The following TRAPPC3 variants were observed in gnomAD, a reference collection of about 807,000 sequenced individuals.
TRAPPC3 encodes trafficking protein particle complex 3.
Under a neutral mutation model 18.2 loss-of-function variants are expected in TRAPPC3, and 5 were observed. That is an observed-to-expected ratio of 0.28 (90% CI 0.14 to 0.58). TRAPPC3 has a LOEUF of 0.58. Ranked by LOEUF, TRAPPC3 falls within the 20% of genes least tolerant of loss-of-function variation. The pLI is 0.91. For missense variants in TRAPPC3, 176 were observed against 225.9 expected, an observed-to-expected ratio of 0.78 and a Z score of 1.41; for synonymous variants, 65 against 84.2, an observed-to-expected ratio of 0.77 and a Z score of 1.25.
chr1:36,149,474 A>G lies in TRAPPC3; in HGVS notation c.-96T>C, dbSNP rs1644251011. ...AAGCCGCTGCCCCTCAGCCCACAAG[A>G]CCGACCGGCACTGACTCACTGCGCC... On this transcript the variant is annotated 5_prime_UTR_variant, in exon 1 of 5. Coordinates refer to ENST00000373166, the MANE Select transcript of TRAPPC3 (RefSeq NM_014408.5). The G allele has an allele frequency of 1.3e-6, 2 of 1,486,412 alleles. No individual in the cohort carries two copies. The highest frequency in any genetic ancestry group is 1.8e-6 in the Non-Finnish European group (2 of 1,090,138). The allele number at this position is 1,486,412 out of a possible 1,614,324, so 92.1% of individuals were successfully genotyped here. A position where few individuals can be genotyped will look rare whatever the true frequency, so the allele number is the denominator to read the frequency against.
intron 1 of TRAPPC3, among the ~76,000 whole-genome samples, chr1:36,155,389 C>T (rs1016052248): frequency 1.3e-5 from 2 of 152,176 alleles, no homozygotes; most frequent in Admixed American, 1.3e-4. Context: ...TGGAGGGGGT[C>T]ACCACCCCCT....
chr1:36,153,075 C>G (rs895999531), upstream of TRAPPC3, among the ~76,000 whole-genome samples: 1 of 152,202 alleles, frequency 6.6e-6, no homozygotes, highest in East Asian at 1.9e-4. Context: ...CCCTGGGCCA[C>G]GATCTCCTAC....
chr1:36,152,797 C>T (rs1644280925), upstream of TRAPPC3, among the ~76,000 whole-genome samples: 1 of 152,006 alleles, frequency 6.6e-6, no homozygotes, highest in African/African-American at 2.4e-5. Context: ...ACTACAGGCA[C>T]GCACCACGAT....
upstream of TRAPPC3, among the ~76,000 whole-genome samples, chr1:36,150,429 C>T (rs1158248666): frequency 1.3e-5 from 2 of 152,216 alleles, no homozygotes; most frequent in South Asian, 2.1e-4. Flanking sequence ...TCAGCTCCCG[C>T]GGTCTCTCAG....
At chr1:36,137,744 T>C in intron 4 of TRAPPC3, 52 bp downstream of exon 4, 2 of 1,558,492 alleles carry the variant, frequency 1.3e-6, no homozygotes, top group East Asian at 2.2e-5. Flanking sequence ...TAAACACTTA[T>C]CAAGTCCCTA....
rs376721239 is a variant in TRAPPC3, at chr1:36,148,525, G to A, written c.42+812C>T. 7.3e-5 allele frequency among the ~76,000 whole-genome samples: 11 copies of A among 151,548 alleles called. No homozygotes were observed. In the East Asian group the frequency reaches 2.1e-3, roughly 30 times the overall value. The stretch of plus-strand genomic sequence containing the variant: ...CAGAAGAACTGCTTGAACCTGGGAG[G>A]CAGAGGTTGCAGTGAGCCAAGTTAG... On this transcript the variant is annotated intron_variant, in intron 1 of 4. Coordinates refer to ENST00000373166, the MANE Select transcript of TRAPPC3 (RefSeq NM_014408.5).
chr1:36,147,821 G>T (rs1002913613), intron 1 of TRAPPC3, among the ~76,000 whole-genome samples: 1 of 152,130 alleles, frequency 6.6e-6, no homozygotes, highest in Non-Finnish European at 1.5e-5. Context: ...GTATGCTGCT[G>T]CCCCTCCCTA....
At chr1:36,139,366 C>G (rs1644072824) in intron 3 of TRAPPC3, 2 of 178,922 alleles carry the variant, frequency 1.1e-5, no homozygotes, top group African/African-American at 4.8e-5. Context: ...CCATCTTGGC[C>G]AGGCTGGTCT....
In TRAPPC3 at chr1:36,137,293, G is replaced by A. The variant is rs752655018; in HGVS notation, c.453C>T (p.Val151=). The part of the protein sequence containing the change: ...MVQMAVEAKF[V]QDTLKGDGVT... ...CACCGTCTCCTTTCAGGGTGTCCTGGACAAACTTGGCCTCCACAGCCATCT... is the reference window on the plus strand; with the variant it reads ...CACCGTCTCCTTTCAGGGTGTCCTGAACAAACTTGGCCTCCACAGCCATCT... The change falls in exon 5 of 5, where the codon GTC becomes GTT. Residue 151 remains valine, a synonymous_variant. Transcript: ENST00000373166. The A allele has an allele frequency of 6.2e-7, 1 of 1,612,520 alleles. No homozygotes were observed. Among genetic ancestry groups the A allele is most frequent in the South Asian group, 1.1e-5 (1 of 91,026 alleles).
chr1:36,140,489 A>G (rs960254918), intron 1 of TRAPPC3: 3 of 243,640 alleles, frequency 1.2e-5, no homozygotes, highest in Non-Finnish European at 2.4e-5. Flanking sequence ...AGAATCTGGT[A>G]TGGGAGCAAC....
intron 1 of TRAPPC3, among the ~76,000 whole-genome samples, chr1:36,146,277 C>G (rs1644197422): frequency 6.8e-6 from 1 of 146,052 alleles, no homozygotes; most frequent in Non-Finnish European, 1.5e-5. Context: ...TGGGGTTTCA[C>G]CATGTTGGCC....
intron 1 of TRAPPC3, among the ~76,000 whole-genome samples, chr1:36,141,297 A>G (rs926597122): frequency 1.3e-5 from 2 of 152,224 alleles, no homozygotes; most frequent in African/African-American, 4.8e-5. Flanking sequence ...AAACATATTA[A>G]CAGCACATCT....
At chr1:36,137,346 G>T (rs529091735) in intron 4 of TRAPPC3, 24 bp from the exon 5 acceptor site, 2 of 1,598,770 alleles carry the variant, frequency 1.3e-6, no homozygotes, top group Non-Finnish European at 1.7e-6. Context: ...GGAAAACGAA[G>T]GGGTAGCTGC....
At chr1:36,146,300 CT>C (rs35602639) in intron 1 of TRAPPC3, among the ~76,000 whole-genome samples, 78,918 of 130,178 alleles carry the variant, frequency 0.61, 25,377 homozygotes, top group Non-Finnish European at 0.75. Flanking sequence ...GATGGTCTCT[CT>C]TTTTTTTTTT....
At chr1:36,153,606 G>A (rs1644286774), upstream of TRAPPC3, among the ~76,000 whole-genome samples, 1 of 152,192 alleles carries the variant, frequency 6.6e-6, no homozygotes, top group Non-Finnish European at 1.5e-5. Context: ...TTATTGTGAG[G>A]ATGGTCCTAC....
chr1:36,145,052 C>T (rs1036937230), intron 1 of TRAPPC3, among the ~76,000 whole-genome samples: 36 of 151,828 alleles, frequency 2.4e-4, no homozygotes, highest in African/African-American at 7.5e-4. Flanking sequence ...GACGGAGTCT[C>T]GCTCTGTCGC....
At chr1:36,149,622 T>C (rs1644253037), upstream of TRAPPC3, 1 of 588,140 alleles carries the variant, frequency 1.7e-6, no homozygotes, top group Non-Finnish European at 3.0e-6. Flanking sequence ...CTTAACACAG[T>C]CAACTACAAC....
At chr1:36,150,294 C>T (rs1644258715), upstream of TRAPPC3, among the ~76,000 whole-genome samples, 2 of 152,260 alleles carry the variant, frequency 1.3e-5, no homozygotes, top group African/African-American at 4.8e-5. Context: ...ACGTGTATTC[C>T]CTTCCAGCCA....
Position 36,149,469 on chromosome 1 carries a change from A to C in TRAPPC3, c.-91T>G. On this transcript the variant is annotated 5_prime_UTR_variant, in exon 1 of 5. Coordinates refer to ENST00000373166, the MANE Select transcript of TRAPPC3 (RefSeq NM_014408.5). ...AGCCTAAGCCGCTGCCCCTCAGCCC[A>C]CAAGACCGACCGGCACTGACTCACT... 1 of 1,523,000 alleles carries C rather than the reference A, an allele frequency of 6.6e-7. No individual in the cohort carries two copies. The highest frequency in any genetic ancestry group is 1.2e-5 in the South Asian group (1 of 86,032). 94.3% of individuals were successfully genotyped at this position (1,523,000 alleles called of 1,614,324 possible).
Sources: allele counts gnomAD v4.1 joint callset (sites outside exome capture counted in the v4.1 genomes callset), GRCh38; gene constraint gnomAD v4.1.1; transcripts MANE v1.5; gene names NCBI Gene and HGNC (gene_info 2026-07-23, HGNC 2026-07-21).